DPY30: variants seen among roughly 807,000 people sequenced by gnomAD.
DPY30 encodes dpy-30 histone methyltransferase complex regulatory subunit.
In DPY30, 6 loss-of-function variants were observed where a neutral mutation model predicts 16.2. The ratio of observed to expected loss-of-function variants is 0.37; its 90% CI spans 0.20 to 0.73. The LOEUF (loss-of-function observed/expected upper bound fraction) is 0.73, where lower values mean the gene tolerates loss of function less well. DPY30 is among the 30% of genes least tolerant of loss of function. The probability of loss-of-function intolerance (pLI) is 0.51; values close to 1 mark genes in which losing one functional copy is unlikely to be tolerated. For missense variants in DPY30, 73 were observed against 113.1 expected (o/e 0.65, Z 1.61); for synonymous variants, 39 against 38.8 (o/e 1.00, Z -0.02).
chr2:32,023,972 T>G lies in DPY30; in HGVS notation c.*212A>C, dbSNP rs866638127. On this transcript the variant is annotated 3_prime_UTR_variant, in exon 5 of 5. Transcript: ENST00000342166. ...AGTTAAAGACAATCTGAGAAAAAAA[T>G]TGCACAGAATACACTCATTAAATAG... 1 of 1,417,294 alleles carries G rather than the reference T, an allele frequency of 7.1e-7. No homozygotes were observed. The highest frequency in any genetic ancestry group is 1.4e-5 in the African/African-American group (1 of 69,190). The allele number at this position is 1,417,294 out of a possible 1,614,324, so 87.8% of individuals were successfully genotyped here. A position where few individuals can be genotyped will look rare whatever the true frequency, so the allele number is the denominator to read the frequency against.
intron 5 of DPY30, among the ~76,000 whole-genome samples, chr2:32,014,761 G>A (rs1675031789): frequency 6.6e-6 from 1 of 151,562 alleles, no homozygotes; most frequent in South Asian, 2.1e-4. Context: ...GAGATTACAG[G>A]TGTGAGCCAC....
At chr2:32,025,387 C>A (rs756487807) in intron 4 of DPY30, among the ~76,000 whole-genome samples, 1 of 151,906 alleles carries the variant, frequency 6.6e-6, no homozygotes, top group African/African-American at 2.4e-5. Flanking sequence ...CACTTGAACC[C>A]GGGAGGTGGA....
rs566322859 is a variant in DPY30 at position 32,028,809 on chromosome 2, A to G, written c.227+785T>C. Among the ~76,000 whole-genome samples, 245 of 151,962 alleles carry G rather than the reference A, an allele frequency of 1.6e-3. 3 individuals are homozygous for G. The highest frequency in any genetic ancestry group is 5.7e-3 in the African/African-American group (237 of 41,420). ...CAAACCCTGTTTCTACTAAAAATAC[A>G]ATAATCAGCCAGGCGTGGTGGCAGG... On this transcript the variant is annotated intron_variant, in intron 4 of 4. Coordinates refer to ENST00000342166, the MANE Select transcript of DPY30 (RefSeq NM_001321209.2).
intron 3 of DPY30, among the ~76,000 whole-genome samples, chr2:32,036,824 G>A (rs1675759850): frequency 6.7e-6 from 1 of 149,936 alleles, no homozygotes; most frequent in Non-Finnish European, 1.5e-5. Context: ...AGCCGAGATT[G>A]CACCACTGCA....
Position 32,024,218 on chromosome 2 carries a change from A to T in DPY30, c.266T>A (p.Leu89Ter). The change falls in exon 5 of 5, where the codon TTA becomes TAA. Residue 89 changes from leucine to a stop codon, truncating the protein, a stop_gained. Transcript: ENST00000342166. LOFTEE classifies it high-confidence loss of function. Reference sequence around the variant, plus strand: ...ATCTTCAAACTGTGCCTTGTTTTTTAAAAGATAAGATGCTAGAAATTCAAT... The same window carrying T: ...ATCTTCAAACTGTGCCTTGTTTTTTTAAAGATAAGATGCTAGAAATTCAAT... ...NPIEFLASYLLKNKAQFEDRN is the reference protein window; with the variant it reads ...NPIEFLASYL The T allele has an allele frequency of 6.2e-7, 1 of 1,612,842 alleles. No homozygotes were observed. Among genetic ancestry groups the T allele is most frequent in the Non-Finnish European group, 8.5e-7 (1 of 1,179,404 alleles).
chr2:32,014,640 C>T lies in DPY30; in HGVS notation n.378-2588G>A, dbSNP rs566528198. 5.9e-5 allele frequency among the ~76,000 whole-genome samples: 9 copies of T among 152,186 alleles called. No individual in the cohort carries two copies. In the South Asian group the frequency reaches 1.0e-3, roughly 18 times the overall value. On this transcript the variant is annotated intron_variant and non_coding_transcript_variant, in intron 5 of 5. Transcript: ENST00000414013. ...CTGGGACTACAGGCGCCCACCACCACGCCCGGCTAATTTTTTGTATTTTTA... is the reference window on the plus strand; with the variant it reads ...CTGGGACTACAGGCGCCCACCACCATGCCCGGCTAATTTTTTGTATTTTTA...
intron 5 of DPY30, among the ~76,000 whole-genome samples, chr2:32,014,934 G>A (rs953210797): frequency 6.6e-6 from 1 of 152,188 alleles, no homozygotes; most frequent in East Asian, 1.9e-4. Context: ...TCATATACTT[G>A]CATATGCATG....
intron 3 of DPY30, among the ~76,000 whole-genome samples, chr2:32,036,964 C>T (rs1174251722): frequency 2.0e-5 from 3 of 152,110 alleles, no homozygotes; most frequent in South Asian, 4.1e-4. Context: ...AGAGAGAAGA[C>T]GTTATTTATT....
chr2:32,014,227 A>C (rs1675021426), intron 5 of DPY30, among the ~76,000 whole-genome samples: 1 of 152,128 alleles, frequency 6.6e-6, no homozygotes, highest in Non-Finnish European at 1.5e-5. Flanking sequence ...TCATGCCTGT[A>C]ATCCCAGCAC....
At chr2:32,015,768 T>G (rs928419755) in intron 5 of DPY30, among the ~76,000 whole-genome samples, 12 of 151,368 alleles carry the variant, frequency 7.9e-5, no homozygotes, top group African/African-American at 1.7e-4. Flanking sequence ...GGCAGGAGGA[T>G]TGCTTGAGCC....
chr2:32,026,359 G>T (rs1675331765), intron 4 of DPY30, among the ~76,000 whole-genome samples: 1 of 152,122 alleles, frequency 6.6e-6, no homozygotes, highest in Non-Finnish European at 1.5e-5. Context: ...GCGGTGAGTG[G>T]TGATCTTGCC....
downstream of DPY30, among the ~76,000 whole-genome samples, chr2:32,020,711 A>G (rs1675159878): frequency 6.6e-6 from 1 of 152,126 alleles, no homozygotes. Context: ...AAAATTAAAT[A>G]GGGATAAATT....
chr2:32,037,378 C>T (rs1558593894), intron 3 of DPY30, among the ~76,000 whole-genome samples: 1 of 152,106 alleles, frequency 6.6e-6, no homozygotes, highest in African/African-American at 2.4e-5. Flanking sequence ...AATTAGGGCT[C>T]ACTGCAGCTT....
chr2:32,031,392 C>T (rs764949683), intron 3 of DPY30, among the ~76,000 whole-genome samples: 1 of 151,728 alleles, frequency 6.6e-6, no homozygotes, highest in African/African-American at 2.4e-5. Context: ...TGCACTCCAG[C>T]CTGGGTGACA....
chr2:32,021,684 A>AG (rs1197011162), downstream of DPY30, among the ~76,000 whole-genome samples: 2 of 151,828 alleles, frequency 1.3e-5, no homozygotes, highest in Non-Finnish European at 2.9e-5. Context: ...ATCTCAAAAA[A>AG]AAAAAAAGCA....
chr2:32,018,202 A>C (rs753041305), intron 5 of DPY30, among the ~76,000 whole-genome samples: 35 of 152,248 alleles, frequency 2.3e-4, no homozygotes, highest in Non-Finnish European at 4.3e-4. Context: ...TGTCAGAGGC[A>C]GACAAGATGA....
downstream of DPY30, among the ~76,000 whole-genome samples, chr2:32,019,218 G>A (rs771225950): frequency 2.0e-5 from 3 of 152,080 alleles, no homozygotes; most frequent in Non-Finnish European, 2.9e-5. Context: ...TCAGCCTTCT[G>A]AGCAGCTGGG....
chr2:32,027,907 C>T (rs1172645230), intron 4 of DPY30, among the ~76,000 whole-genome samples: 2 of 151,854 alleles, frequency 1.3e-5, no homozygotes, highest in Non-Finnish European at 2.9e-5. Context: ...GGATTACAGG[C>T]GTGAGCCACC....
At chr2:32,026,118 A>G (rs1017717109) in intron 4 of DPY30, among the ~76,000 whole-genome samples, 1 of 152,050 alleles carries the variant, frequency 6.6e-6, no homozygotes, top group Non-Finnish European at 1.5e-5. Context: ...AAAAAAAAAA[A>G]TTTGTGTTTT....
Sources: allele counts gnomAD v4.1 joint callset (sites outside exome capture counted in the v4.1 genomes callset), GRCh38; gene constraint gnomAD v4.1.1; transcripts MANE v1.5; gene names NCBI Gene and HGNC (gene_info 2026-07-23, HGNC 2026-07-21).